The following HYDIN variants were observed in gnomAD, a reference collection of about 807,000 sequenced individuals.
HYDIN encodes HYDIN axonemal central pair apparatus protein.
Under a neutral mutation model 403.9 loss-of-function variants are expected in HYDIN, and 132 were observed. The observed-to-expected ratio is 0.33, with a 90% CI of 0.28 to 0.38. The LOEUF is 0.38. Ranked by LOEUF, HYDIN falls within the 10% of genes least tolerant of loss-of-function variation. HYDIN has a pLI of 1.00. For missense variants in HYDIN, 2,827 were observed against 5,009.5 expected (o/e 0.56, Z 13.15); for synonymous variants, 1,202 against 1,891.7 (o/e 0.64, Z 9.46).
intron 9 of HYDIN, among the ~76,000 whole-genome samples, chr16:71,120,918 A>G (rs1386811756): frequency 3.3e-5 from 5 of 152,186 alleles, no homozygotes; most frequent in Non-Finnish European, 5.9e-5. Flanking sequence ...TGCCCACTCA[A>G]ATACTATGCT....
At chr16:71,185,490 G>A (rs2087103570) in intron 2 of HYDIN, among the ~76,000 whole-genome samples, 1 of 152,116 alleles carries the variant, frequency 6.6e-6, no homozygotes, top group South Asian at 2.1e-4. Flanking sequence ...CAAAGATCTA[G>A]GAAGTGTGAC....
Position 71,106,481 on chromosome 16 carries a change from TC to T in HYDIN, c.1327+9214del, listed in dbSNP as rs1180091968. Among the ~76,000 whole-genome samples the T allele has an allele frequency of 7.2e-5, 11 of 152,292 alleles. No individual in the cohort carries two copies. The East Asian group carries it at 1.7e-3, about 24-fold the overall frequency. ...TATAACTGTTGGCTATGTGTCAGTT[TC>T]CTCCACTGAATTCTATGCTTTCTCA... is the stretch of plus-strand genomic sequence containing the variant. On this transcript the variant is annotated intron_variant, in intron 10 of 85. Coordinates refer to ENST00000393567, the MANE Select transcript of HYDIN (RefSeq NM_001270974.2).
At chr16:70,901,656 G>C (rs1285051514) in intron 52 of HYDIN, among the ~76,000 whole-genome samples, 2 of 147,618 alleles carry the variant, frequency 1.4e-5, no homozygotes, top group Non-Finnish European at 3.0e-5. Flanking sequence ...TGTGATCTCG[G>C]CTCACTGCAA....
rs200601137 is a variant in HYDIN at position 70,841,706 on chromosome 16, G to C, written c.12874-1473C>G. Among the ~76,000 whole-genome samples the C allele has an allele frequency of 4.0e-5, 6 of 151,424 alleles. No individual in the cohort carries two copies. In the East Asian group the frequency reaches 1.0e-3, roughly 26 times the overall value. On this transcript the variant is annotated intron_variant, in intron 75 of 85. Transcript: ENST00000393567. ...TCACTCCTTCTTGCTCTCTCTCTCT[G>C]TCTCTCTCTTCCTCCTGCCCCACCC...
At chr16:71,165,366 G>A (rs1343631609) in intron 5 of HYDIN, among the ~76,000 whole-genome samples, 3 of 151,718 alleles carry the variant, frequency 2.0e-5, no homozygotes, top group South Asian at 2.1e-4. Flanking sequence ...TTGGCACGGC[G>A]ATCCACTGTC....
intron 50 of HYDIN, among the ~76,000 whole-genome samples, chr16:70,906,213 G>A (rs982386294): frequency 6.6e-6 from 1 of 152,014 alleles, no homozygotes; most frequent in East Asian, 1.9e-4. Context: ...CCCCAATTCT[G>A]CCTAAAAATC....
At chr16:70,836,602 G>A (rs1216535814) in intron 77 of HYDIN, among the ~76,000 whole-genome samples, 3 of 152,220 alleles carry the variant, frequency 2.0e-5, no homozygotes, top group Non-Finnish European at 4.4e-5. Context: ...GTCAGGCCAA[G>A]GCCAGGCTGA....
At position 70,803,357 on chromosome 16, in the gene HYDIN, G is replaced by C. The variant is rs950890302; in HGVS notation, c.*4223C>G. On this transcript the variant is annotated 3_prime_UTR_variant, in exon 86 of 86. Coordinates refer to ENST00000393567, the MANE Select transcript of HYDIN (RefSeq NM_001270974.2). ...TTATTTATGCATAATTGAGCTAGCA[G>C]TGGTGGTAAAAATAAAGCCCAAAGG... Among the ~76,000 whole-genome samples the C allele has an allele frequency of 3.3e-5, 5 of 152,146 alleles. No homozygotes were observed. Among genetic ancestry groups the C allele is most frequent in the Non-Finnish European group, 7.3e-5 (5 of 68,032 alleles).
intron 1 of HYDIN, among the ~76,000 whole-genome samples, chr16:71,212,317 C>G (rs546552608): frequency 1.1e-4 from 17 of 152,236 alleles, no homozygotes; most frequent in Admixed American, 2.6e-4. Flanking sequence ...TCTCCCTTAC[C>G]TAAGTCATAA....
rs933910739 is a variant in HYDIN at position 71,173,287 on chromosome 16, T to C, written c.516+2320A>G. Among the ~76,000 whole-genome samples, 15 of 152,208 alleles carry C rather than the reference T, an allele frequency of 9.9e-5. 1 individual carries two copies. Among genetic ancestry groups the C allele is most frequent in the Admixed American group, 6.5e-5 (1 of 15,282 alleles). On this transcript the variant is annotated intron_variant, in intron 5 of 85. Transcript: ENST00000393567. ...TTAGAAGTAACAGTATAACAACATT[T>C]AACTCAGTTAATTTTTTAAATTAGG...
At chr16:71,214,907 T>C (rs749621011) in intron 1 of HYDIN, among the ~76,000 whole-genome samples, 1 of 152,120 alleles carries the variant, frequency 6.6e-6, no homozygotes, top group Non-Finnish European at 1.5e-5. Flanking sequence ...AACACTCAAG[T>C]CCTAGACTCA....
rs368813826 is a variant in HYDIN, at chr16:70,901,066, C to T, written c.8986G>A (p.Gly2996Ser). ...QGTIPPEAEY[G>S]LHLYFQPTKP... ...GTGGGCTGAAAGTACAGGTGCAGGC[C>T]GTACTCAGCCTCAGGGGGGATGGTC... The change falls in exon 53 of 86, where the codon GGC (glycine) becomes AGC (serine). Residue 2996 changes from glycine to serine, a missense_variant. By Grantham distance (56) the Gly-to-Ser change is moderately conservative. Transcript: ENST00000393567. 14 of 697,660 alleles carry T rather than the reference C, an allele frequency of 2.0e-5. No homozygotes were observed. Among genetic ancestry groups the T allele is most frequent in the Admixed American group, 1.8e-4 (7 of 38,510 alleles). The allele number at this position is 697,660 out of a possible 1,614,324, so 43.2% of individuals were successfully genotyped here.
At position 70,807,527 on chromosome 16, in the gene HYDIN, TCAGGCTAAGA is replaced by T; in HGVS notation, c.*43_*52del. On this transcript the variant is annotated 3_prime_UTR_variant, in exon 86 of 86. Coordinates refer to ENST00000393567, the MANE Select transcript of HYDIN (RefSeq NM_001270974.2). ...TTCTTATTGTTTTCTCTATTCTTTT[TCAGGCTAAGA>T]CAATGCATAGCTTTTGGTTGATACA... The T allele has an allele frequency of 6.6e-7, 1 of 1,516,466 alleles. No homozygotes were observed. The highest frequency in any genetic ancestry group is 2.2e-5 in the Admixed American group (1 of 44,802). The allele number at this position is 1,516,466 out of a possible 1,614,324, so 93.9% of individuals were successfully genotyped here. A position where few individuals can be genotyped will look rare whatever the true frequency, so the allele number is the denominator to read the frequency against.
At chr16:71,038,408 C>T (rs1194999181) in intron 18 of HYDIN, among the ~76,000 whole-genome samples, 4 of 151,986 alleles carry the variant, frequency 2.6e-5, no homozygotes, top group African/African-American at 4.8e-5. Flanking sequence ...CACATGTCAC[C>T]GCAACAATCA....
chr16:71,227,879 C>G (rs1033437286), intron 1 of HYDIN, among the ~76,000 whole-genome samples: 2 of 152,134 alleles, frequency 1.3e-5, no homozygotes. Flanking sequence ...AAGAACAAAG[C>G]CAGAGGCATC....
chr16:70,954,451 TC>T (rs1176524307), intron 40 of HYDIN, among the ~76,000 whole-genome samples: 9 of 102,760 alleles, frequency 8.8e-5, no homozygotes, highest in African/African-American at 3.4e-4. Context: ...ATACCTTGTC[TC>T]AAAAAAAAAA....
intron 47 of HYDIN, among the ~76,000 whole-genome samples, chr16:70,913,157 A>T: frequency 6.9e-6 from 1 of 144,984 alleles, no homozygotes. Flanking sequence ...GACCTTGGTT[A>T]TTTCCTTTCT....
At chr16:70,835,479 C>T (rs998708826) in intron 78 of HYDIN, among the ~76,000 whole-genome samples, 197 bp downstream of exon 78, 3 of 152,158 alleles carry the variant, frequency 2.0e-5, no homozygotes, top group African/African-American at 7.2e-5. Context: ...TTCACAAAAA[C>T]AGTGTGGGAC....
chr16:71,012,123 T>G (rs2080107234), intron 23 of HYDIN, among the ~76,000 whole-genome samples: 1 of 152,306 alleles, frequency 6.6e-6, no homozygotes. Flanking sequence ...GTCTGGCCTC[T>G]TAAAGGTAAA....
Sources: allele counts gnomAD v4.1 joint callset (sites outside exome capture counted in the v4.1 genomes callset), GRCh38; gene constraint gnomAD v4.1.1; transcripts MANE v1.5; gene names NCBI Gene and HGNC (gene_info 2026-07-23, HGNC 2026-07-21).